Variants in IQCJ observed in about 807,000 individuals in gnomAD.
IQCJ encodes the protein IQ motif containing J, also known as IQ domain-containing protein J.
IQCJ carries 9 observed loss-of-function variants against 11.0 expected under a neutral mutation model. That is an observed-to-expected ratio of 0.82 (90% CI 0.49 to 1.43). IQCJ has a LOEUF of 1.43. IQCJ is among the 40% of genes most tolerant of loss of function. IQCJ has a pLI of 0.00. For missense variants in IQCJ, 146 were observed against 133.2 expected (o/e 1.10, Z -0.47); for synonymous variants, 55 against 51.3 (o/e 1.07, Z -0.31).
chr3:159,095,166 A>G (rs900318268), intron 1 of IQCJ, among the ~76,000 whole-genome samples: 10 of 151,972 alleles, frequency 6.6e-5, no homozygotes, highest in African/African-American at 2.4e-4. Flanking sequence ...ATACCCTTAT[A>G]CCTTAGAAGT....
In IQCJ at chr3:159,211,668, T is replaced by C. The variant is rs546323993; in HGVS notation, c.10-34175T>C. ...GCCAGTGAGTAGTGAAGAGAGACCATGAGTCTGTTTAAATGGCAATAAGGT... is the reference window on the plus strand; with the variant it reads ...GCCAGTGAGTAGTGAAGAGAGACCACGAGTCTGTTTAAATGGCAATAAGGT... On this transcript the variant is annotated intron_variant, in intron 1 of 3. Coordinates refer to ENST00000397832, the MANE Select transcript of IQCJ (RefSeq NM_001042706.3). Among the ~76,000 whole-genome samples the C allele has an allele frequency of 9.2e-5, 14 of 152,352 alleles. No homozygotes were observed. In the South Asian group the frequency reaches 1.7e-3, roughly 18 times the overall value.
Position 159,086,005 on chromosome 3 carries a change from G to C in IQCJ, c.9+16564G>C, listed in dbSNP as rs1352219747. On this transcript the variant is annotated intron_variant, in intron 1 of 3. Transcript: ENST00000397832. ...GAAGCCTTGCCCATGCCTATGTCCT[G>C]AATGGTAATGCCTAGGTTTTCTTCT... 5.3e-5 allele frequency among the ~76,000 whole-genome samples: 8 copies of C among 152,260 alleles called. No individual in the cohort carries two copies. In the East Asian group the frequency reaches 1.2e-3, roughly 22 times the overall value.
chr3:159,208,795 CT>C (rs998148567), intron 1 of IQCJ, among the ~76,000 whole-genome samples: 2 of 152,136 alleles, frequency 1.3e-5, no homozygotes, highest in African/African-American at 4.8e-5. Flanking sequence ...ATCTCAAGAT[CT>C]TTTGAGATGA....
At chr3:159,069,673 C>A in intron 1 of IQCJ, 1 of 616,800 alleles carries the variant, frequency 1.6e-6, no homozygotes, top group Non-Finnish European at 2.8e-6. Context: ...TCTGTGCGGA[C>A]AGATTTCACT....
chr3:159,223,880 A>G (rs1577092363), intron 1 of IQCJ, among the ~76,000 whole-genome samples: 1 of 152,256 alleles, frequency 6.6e-6, no homozygotes, highest in East Asian at 1.9e-4. Context: ...TATATGAAAC[A>G]CAAATGAATT....
At chr3:159,249,032 T>G (rs973867673) in intron 2 of IQCJ, among the ~76,000 whole-genome samples, 4 of 152,046 alleles carry the variant, frequency 2.6e-5, no homozygotes, top group African/African-American at 9.7e-5. Flanking sequence ...ATTTTTGTAT[T>G]TTTAGTAGAG....
chr3:159,250,847 C>T (rs964669420), intron 2 of IQCJ, among the ~76,000 whole-genome samples: 5 of 152,144 alleles, frequency 3.3e-5, no homozygotes, highest in African/African-American at 4.8e-5. Context: ...TAGGTTCCTC[C>T]GTGATTCTCC....
chr3:159,088,175 T>A (rs548809310), intron 1 of IQCJ, among the ~76,000 whole-genome samples: 3 of 152,338 alleles, frequency 2.0e-5, no homozygotes, highest in African/African-American at 7.2e-5. Flanking sequence ...TTTCCTTATG[T>A]ACCCAGTAAT....
intron 1 of IQCJ, among the ~76,000 whole-genome samples, chr3:159,232,457 T>C (rs1256279639): frequency 7.0e-6 from 1 of 143,498 alleles, no homozygotes; most frequent in East Asian, 2.0e-4. Context: ...CTTTCTTTTT[T>C]TTTTTTTTTT....
At chr3:159,206,725 C>T (rs140502670) in intron 1 of IQCJ, among the ~76,000 whole-genome samples, 39 of 152,296 alleles carry the variant, frequency 2.6e-4, no homozygotes, top group African/African-American at 8.4e-4. Flanking sequence ...ATTCTATGAG[C>T]TACCCCATAT....
At chr3:159,205,292 C>T (rs1045110139) in intron 1 of IQCJ, among the ~76,000 whole-genome samples, 5 of 152,278 alleles carry the variant, frequency 3.3e-5, no homozygotes, top group South Asian at 2.1e-4. Context: ...AAACATAGGA[C>T]AGAGTAAGGG....
intron 1 of IQCJ, among the ~76,000 whole-genome samples, chr3:159,154,543 G>C (rs1342745845): frequency 6.6e-6 from 1 of 151,930 alleles, no homozygotes; most frequent in Non-Finnish European, 1.5e-5. Flanking sequence ...CTTTGAACTT[G>C]GCAGGCACCT....
intron 1 of IQCJ, among the ~76,000 whole-genome samples, chr3:159,210,106 G>A (rs1006023662): frequency 1.3e-5 from 2 of 152,172 alleles, no homozygotes; most frequent in African/African-American, 4.8e-5. Flanking sequence ...ATGATCTGAA[G>A]GAAGCAGAGC....
chr3:159,188,747 T>G, intron 1 of IQCJ, among the ~76,000 whole-genome samples: 1 of 152,182 alleles, frequency 6.6e-6, no homozygotes, highest in East Asian at 1.9e-4. Flanking sequence ...CTTGCCTTGG[T>G]ATCTCCCCCT....
At chr3:159,085,120 A>G (rs990206871) in intron 1 of IQCJ, among the ~76,000 whole-genome samples, 1 of 139,618 alleles carries the variant, frequency 7.2e-6, no homozygotes, top group Non-Finnish European at 1.5e-5. Context: ...TCCTGTGTCC[A>G]TGTGTTCTCA....
chr3:159,153,248 G>T (rs1428352895), intron 1 of IQCJ, among the ~76,000 whole-genome samples: 1 of 152,144 alleles, frequency 6.6e-6, no homozygotes, highest in Non-Finnish European at 1.5e-5. Context: ...TCCTTACAAT[G>T]CATCCTTTAA....
chr3:159,192,752 G>A (rs537986755), intron 1 of IQCJ, among the ~76,000 whole-genome samples: 1 of 152,120 alleles, frequency 6.6e-6, no homozygotes, highest in African/African-American at 2.4e-5. Context: ...CTGAAGGGTG[G>A]CCTGGACAAC....
intron 1 of IQCJ, 54 bp downstream of exon 1, chr3:159,069,495 G>A: frequency 7.7e-6 from 12 of 1,565,666 alleles, no homozygotes; most frequent in Non-Finnish European, 1.0e-5. Flanking sequence ...ATATGCAGCT[G>A]CTTATTATTT....
At chr3:159,153,970 C>G (rs1721369983) in intron 1 of IQCJ, among the ~76,000 whole-genome samples, 1 of 152,168 alleles carries the variant, frequency 6.6e-6, no homozygotes, top group Admixed American at 6.5e-5. Flanking sequence ...ATCTTCCTCC[C>G]CAAATTCTGT....
Sources: allele counts gnomAD v4.1 joint callset (sites outside exome capture counted in the v4.1 genomes callset), GRCh38; gene constraint gnomAD v4.1.1; transcripts MANE v1.5; gene names NCBI Gene and HGNC (gene_info 2026-07-23, HGNC 2026-07-21).